TMEM134: variants seen among roughly 807,000 people sequenced by gnomAD.
TMEM134 encodes transmembrane protein 134.
In TMEM134, 36 loss-of-function variants were observed where a neutral mutation model predicts 26.2. The ratio of observed to expected loss-of-function variants is 1.37; its 90% confidence interval spans 1.05 to 1.81. TMEM134 has a LOEUF of 1.81. Ranked by LOEUF, TMEM134 falls within the 40% of genes most tolerant of loss-of-function variation. The pLI is 0.00. For missense variants in TMEM134, 339 were observed against 263.5 expected, an observed-to-expected ratio of 1.29 and a Z score of -1.98; for synonymous variants, 133 against 113.6, an observed-to-expected ratio of 1.17 and a Z score of -1.08.
At chr11:67,467,657 T>C in intron 2 of TMEM134, 67 bp from the exon 3 acceptor site, 1 of 1,484,944 alleles carries the variant, frequency 6.7e-7, no homozygotes, top group Non-Finnish European at 9.4e-7. Flanking sequence ...ACAGGAGTCC[T>C]GATGAAGTGC....
Position 67,465,042 on chromosome 11 carries a change from G to T in TMEM134, c.451+14C>A. 6.4e-7 allele frequency: 1 copy of T among 1,570,044 alleles called. No homozygotes were observed. Among genetic ancestry groups the T allele is most frequent in the Non-Finnish European group, 8.6e-7 (1 of 1,160,712 alleles). ...GGGGTGTCCTCTGCCTGTGGGGGCG[G>T]GAGGGTCGCTCACCTGGAGAGGGGG... On this transcript the variant is annotated intron_variant, in intron 5 of 6. Transcript: ENST00000308022.
chr11:67,468,151 C>G, intron 1 of TMEM134, 59 bp from the exon 2 acceptor site: 2 of 1,489,940 alleles, frequency 1.3e-6, no homozygotes, highest in South Asian at 1.2e-5. Flanking sequence ...CTCACTCCCT[C>G]CCGGGAAGAG....
rs531358401 is a variant in TMEM134 at position 67,464,917 on chromosome 11, C to T, written c.452-61G>A. 2.0e-5 allele frequency: 31 copies of T among 1,583,194 alleles called. No homozygotes were observed. In the East Asian group the frequency reaches 7.0e-4, roughly 36 times the overall value. On this transcript the variant is annotated intron_variant, in intron 5 of 6. Coordinates refer to ENST00000308022, the MANE Select transcript of TMEM134 (RefSeq NM_025124.4). ...GGCGGAGGCTTCGAGGCCTTCCGGG[C>T]TGCCGCTGACTGCCCGGGCAAGCCT...
rs770344872 is a variant in TMEM134, at chr11:67,464,822, GA to G, written c.485del (p.Phe162SerfsTer11). On this transcript the variant is annotated frameshift_variant, in exon 6 of 7. Coordinates refer to ENST00000308022, the MANE Select transcript of TMEM134 (RefSeq NM_025124.4). LOFTEE classifies it high-confidence loss of function. ...VSSAIFFVPG[F>X]LLLVPGVYHV... ...TCGCACCTCCAGGCACCAACAACAG[GA>G]AGCCCGGCACGAAGAAGATGGCGCT... is the stretch of plus-strand genomic sequence containing the variant. The G allele has an allele frequency of 1.0e-4, 161 of 1,610,192 alleles. No individual in the cohort carries two copies. Among genetic ancestry groups the G allele is most frequent in the Non-Finnish European group, 1.2e-4 (144 of 1,179,640 alleles).
chr11:67,464,510 G>A lies in TMEM134; in HGVS notation c.*104C>T. ...TTCCTGAGCAAACTCCCTAGGGGCT[G>A]GGGTTTCGAGGGTCCTGGAGGGCCT... is the stretch of plus-strand genomic sequence containing the variant. On this transcript the variant is annotated 3_prime_UTR_variant, in exon 7 of 7. Coordinates refer to ENST00000308022, the MANE Select transcript of TMEM134 (RefSeq NM_025124.4). The A allele has an allele frequency of 8.2e-7, 1 of 1,223,920 alleles. No individual in the cohort carries two copies. The highest frequency in any genetic ancestry group is 1.2e-6 in the Non-Finnish European group (1 of 854,848). The allele number at this position is 1,223,920 out of a possible 1,614,324, so 75.8% of individuals were successfully genotyped here.
chr11:67,467,173 T>C, intron 4 of TMEM134, 139 bp downstream of exon 4: 2 of 728,756 alleles, frequency 2.7e-6, no homozygotes, highest in South Asian at 3.5e-5. Flanking sequence ...ACCTGTAAAA[T>C]GGGAGTGTGA....
At position 67,468,020 on chromosome 11, in the gene TMEM134, G is replaced by T; in HGVS notation, c.239+8C>A. 1 of 1,554,318 alleles carries T rather than the reference G, an allele frequency of 6.4e-7. No homozygotes were observed. Among genetic ancestry groups the T allele is most frequent in the Admixed American group, 1.9e-5 (1 of 51,430 alleles). On this transcript the variant is annotated splice_region_variant and intron_variant, in intron 2 of 6. Transcript: ENST00000308022. ...GGGTACAGGGTTGGGTCCCCACCTG[G>T]CCCTAACCTGGTGCCGACTCCCCCA...
rs1865058594 is a variant in TMEM134, at chr11:67,462,791, C to A, written c.*1823G>T. The A allele has an allele frequency of 1.3e-5, 2 of 151,980 alleles. No individual in the cohort carries two copies. 9.4% of individuals were successfully genotyped at this position (151,980 alleles called of 1,614,324 possible). ...CATGACTCCACTGCAGCCTCCCAGG[C>A]TCCGTGATCCTCCCACTCCAGCCTC... On this transcript the variant is annotated 3_prime_UTR_variant, in exon 7 of 7. Coordinates refer to ENST00000308022, the MANE Select transcript of TMEM134 (RefSeq NM_025124.4).
rs766348661 is a variant in TMEM134 at position 67,468,002 on chromosome 11, G to A, written c.239+26C>T. On this transcript the variant is annotated intron_variant, in intron 2 of 6. Coordinates refer to ENST00000308022, the MANE Select transcript of TMEM134 (RefSeq NM_025124.4). ...GGATAGGAGCTGGGGCTGGGGTACA[G>A]GGTTGGGTCCCCACCTGGCCCTAAC... 8 of 1,550,536 alleles carry A rather than the reference G, an allele frequency of 5.2e-6. No individual in the cohort carries two copies. In the East Asian group the frequency reaches 9.8e-5, roughly 19 times the overall value.
rs190089389 is a variant in TMEM134 at position 67,464,695 on chromosome 11, G to T, written c.507C>A (p.Val169=). Residue 169 remains valine (V), a splice_region_variant and synonymous_variant, in exon 7 of 7, where the codon GTC becomes GTA. Transcript: ENST00000308022. ...CGCAGTAGATGAAGATCACGTGATA[G>T]ACTGCGGGGCGGGGCCTGTCAGCGC... ...VPGFLLLVPG[V]YHVIFIYCAV... The T allele has an allele frequency of 1.7e-5, 26 of 1,552,730 alleles. No individual in the cohort carries two copies. Among genetic ancestry groups the T allele is most frequent in the Non-Finnish European group, 2.3e-5 (26 of 1,147,624 alleles).
At position 67,465,091 on chromosome 11, in the gene TMEM134, A is replaced by G. The variant is rs748087421; in HGVS notation, c.416T>C (p.Leu139Pro). 9.5e-6 allele frequency: 15 copies of G among 1,586,250 alleles called. No homozygotes were observed. In the Admixed American group the frequency reaches 2.7e-4, roughly 28 times the overall value. The change falls in exon 5 of 7, where the codon CTG becomes CCG. Residue 139 changes from leucine to proline, a missense_variant. By Grantham distance (98) the Leu-to-Pro change is moderately conservative. Transcript: ENST00000308022. ...GGTCGCCTCCAGTCCCACGCCGACC[A>G]GGATCAGCACTGCACACAGACGGAG... ...LLLLLGLVLI[L>P]VGVGLEATPS...
chr11:67,468,190 G>A (rs1865403913), intron 1 of TMEM134, 98 bp from the exon 2 acceptor site: 2 of 1,150,388 alleles, frequency 1.7e-6, no homozygotes, highest in Non-Finnish European at 2.5e-6. Flanking sequence ...CCATTTGCCT[G>A]GCCGCCTGGC....
At chr11:67,467,859 A>G in intron 2 of TMEM134, 169 bp downstream of exon 2, 1 of 696,314 alleles carries the variant, frequency 1.4e-6, no homozygotes, top group Non-Finnish European at 2.4e-6. Context: ...GCACTAGGGT[A>G]GGGTGACCCT....
At chr11:67,465,285 GGAGA>G in intron 4 of TMEM134, 185 bp from the exon 5 acceptor site, 1 of 1,423,384 alleles carries the variant, frequency 7.0e-7, no homozygotes, top group Admixed American at 2.9e-5. Context: ...GTGTGTGAAA[GGAGA>G]GATTTTTCTT....
chr11:67,465,003 G>A, intron 5 of TMEM134, 53 bp downstream of exon 5: 2 of 1,494,944 alleles, frequency 1.3e-6, no homozygotes, highest in Admixed American at 1.9e-5. Flanking sequence ...CCGTGGACCC[G>A]TGGACACAAG....
At position 67,467,408 on chromosome 11, in the gene TMEM134, G is replaced by A. The variant is rs761213755; in HGVS notation, c.330-20C>T. Reference sequence around the variant, plus strand: ...GTCCAGCTGGGTGGCAGGAGAGCAGGGTGAATGTGAAGGAGGTGGAGGGAG... The same window carrying A: ...GTCCAGCTGGGTGGCAGGAGAGCAGAGTGAATGTGAAGGAGGTGGAGGGAG... On this transcript the variant is annotated intron_variant, in intron 3 of 6. Transcript: ENST00000308022. The A allele has an allele frequency of 6.2e-7, 1 of 1,613,816 alleles. No homozygotes were observed. Among genetic ancestry groups the A allele is most frequent in the South Asian group, 1.1e-5 (1 of 91,066 alleles).
intron 6 of TMEM134, 31 bp downstream of exon 6, chr11:67,464,772 C>T (rs1300777634): frequency 1.3e-6 from 2 of 1,564,296 alleles, no homozygotes; most frequent in East Asian, 4.7e-5. Context: ...CCCACAGCCC[C>T]CGCCCCTTCC....
At chr11:67,468,715 A>C (rs1196310492) in intron 1 of TMEM134, among the ~76,000 whole-genome samples, 1 of 152,182 alleles carries the variant, frequency 6.6e-6, no homozygotes, top group Non-Finnish European at 1.5e-5. Flanking sequence ...CCCCCAACCC[A>C]GCGGGGGCCA....
chr11:67,464,321 A>C lies in TMEM134; in HGVS notation c.*293T>G. The C allele has an allele frequency of 2.1e-6, 1 of 481,524 alleles. No individual in the cohort carries two copies. Among genetic ancestry groups the C allele is most frequent in the Non-Finnish European group, 3.7e-6 (1 of 267,696 alleles). The allele number at this position is 481,524 out of a possible 1,614,324, so 29.8% of individuals were successfully genotyped here. ...TGTGGTCAGGCTGGTGGGCTGGGCT[A>C]GCAGTGGCAGGACAGGAGGAGAGCA... On this transcript the variant is annotated 3_prime_UTR_variant, in exon 7 of 7. Coordinates refer to ENST00000308022, the MANE Select transcript of TMEM134 (RefSeq NM_025124.4).
Sources: allele counts gnomAD v4.1 joint callset (sites outside exome capture counted in the v4.1 genomes callset), GRCh38; gene constraint gnomAD v4.1.1; transcripts MANE v1.5; gene names NCBI Gene and HGNC (gene_info 2026-07-23, HGNC 2026-07-21).